The following LHFPL3 variants were observed in gnomAD, a reference collection of about 807,000 sequenced individuals.
The protein encoded by LHFPL3 is LHFPL tetraspan subfamily member 3 protein.
Under a neutral mutation model 19.3 loss-of-function variants are expected in LHFPL3, and 5 were observed. That is an observed-to-expected ratio of 0.26 (90% CI 0.14 to 0.54). The LOEUF is 0.54. LHFPL3 is among the 20% of genes least tolerant of loss of function. The pLI is 0.94. For synonymous variants in LHFPL3, 133 were observed against 126.2 expected (o/e 1.05, Z -0.36); for missense variants, 249 against 307.4 (o/e 0.81, Z 1.42).
At chr7:104,749,878 G>A (rs1288679284) in intron 2 of LHFPL3, among the ~76,000 whole-genome samples, 1 of 152,210 alleles carries the variant, frequency 6.6e-6, no homozygotes, top group Non-Finnish European at 1.5e-5. Context: ...CCCCTAAAAA[G>A]GATACCCTAT....
At chr7:104,713,508 A>C (rs186008082) in intron 1 of LHFPL3, among the ~76,000 whole-genome samples, 6 of 152,232 alleles carry the variant, frequency 3.9e-5, no homozygotes, top group Admixed American at 3.9e-4. Flanking sequence ...ACTTCCAAAC[A>C]ACCAGATCTC....
At chr7:104,833,399 AT>A (rs1369841804) in intron 2 of LHFPL3, among the ~76,000 whole-genome samples, 2 of 7,754 alleles carry the variant, frequency 2.6e-4, no homozygotes, top group East Asian at 4.5e-3. Flanking sequence ...GGATATATAT[AT>A]TATATATATA....
chr7:104,629,579 T>G (rs1791604696), intron 1 of LHFPL3, among the ~76,000 whole-genome samples: 1 of 152,208 alleles, frequency 6.6e-6, no homozygotes, highest in South Asian at 2.1e-4. Flanking sequence ...TGTCATTTGT[T>G]TCCAACCCTG....
intron 2 of LHFPL3, among the ~76,000 whole-genome samples, chr7:104,828,627 G>A (rs1354249181): frequency 1.3e-5 from 2 of 152,020 alleles, no homozygotes; most frequent in African/African-American, 4.8e-5. Flanking sequence ...GCACCGCCAG[G>A]CCTCTTATTC....
chr7:104,361,738 T>G (rs1790393588), intron 1 of LHFPL3, among the ~76,000 whole-genome samples: 1 of 152,244 alleles, frequency 6.6e-6, no homozygotes, highest in African/African-American at 2.4e-5. Flanking sequence ...ATCTGATGAT[T>G]AAATGTATGC....
intron 1 of LHFPL3, among the ~76,000 whole-genome samples, chr7:104,544,041 TAA>T (rs1003074426): frequency 7.4e-6 from 1 of 135,514 alleles, no homozygotes. Context: ...AAAGTAAAAT[TAA>T]AAAAAAAAAA....
chr7:104,340,998 A>G (rs1403159690), intron 1 of LHFPL3, among the ~76,000 whole-genome samples: 1 of 152,194 alleles, frequency 6.6e-6, no homozygotes, highest in Non-Finnish European at 1.5e-5. Context: ...GTTCTTCCAA[A>G]TGGTAGAGAA....
chr7:104,885,474 C>G (rs1022099560), intron 2 of LHFPL3, among the ~76,000 whole-genome samples: 1 of 152,204 alleles, frequency 6.6e-6, no homozygotes, highest in African/African-American at 2.4e-5. Flanking sequence ...TAGGACCCCA[C>G]TCACTCAGAT....
intron 1 of LHFPL3, among the ~76,000 whole-genome samples, chr7:104,389,769 A>G (rs1437642002): frequency 1.1e-4 from 16 of 152,160 alleles, no homozygotes; most frequent in Admixed American, 9.8e-4. Context: ...AGAAAGAAAA[A>G]ATAGTCTTTT....
At chr7:104,426,810 A>C (rs1031929029) in intron 1 of LHFPL3, among the ~76,000 whole-genome samples, 1 of 152,070 alleles carries the variant, frequency 6.6e-6, no homozygotes. Context: ...CTTTTGATGT[A>C]TGTCTTAGGA....
chr7:104,650,751 A>G (rs548924581), intron 1 of LHFPL3, among the ~76,000 whole-genome samples: 1 of 152,340 alleles, frequency 6.6e-6, no homozygotes, highest in East Asian at 1.9e-4. Flanking sequence ...TACATGAAGA[A>G]TGCTGTCCTA....
chr7:104,520,273 A>G (rs1794029355), intron 1 of LHFPL3, among the ~76,000 whole-genome samples: 1 of 151,344 alleles, frequency 6.6e-6, no homozygotes, highest in Non-Finnish European at 1.5e-5. Flanking sequence ...ATATTGAACC[A>G]GCCTTGCATC....
At chr7:104,756,866 CAG>C (rs1332670804) in intron 2 of LHFPL3, among the ~76,000 whole-genome samples, 3 of 152,188 alleles carry the variant, frequency 2.0e-5, no homozygotes, top group African/African-American at 7.2e-5. Flanking sequence ...GAATATTAAG[CAG>C]AGATTCTGAC....
At chr7:104,882,360 G>A (rs942387001) in intron 2 of LHFPL3, among the ~76,000 whole-genome samples, 8 of 152,066 alleles carry the variant, frequency 5.3e-5, no homozygotes, top group South Asian at 2.1e-4. Flanking sequence ...CGATTCTCCC[G>A]CCTCAGCCTC....
chr7:104,555,864 G>T (rs1794753884), intron 1 of LHFPL3, among the ~76,000 whole-genome samples: 1 of 152,168 alleles, frequency 6.6e-6, no homozygotes, highest in Non-Finnish European at 1.5e-5. Context: ...GATATAATGG[G>T]GGTACAGGCA....
intron 1 of LHFPL3, among the ~76,000 whole-genome samples, chr7:104,516,858 C>T (rs1793930965): frequency 6.6e-6 from 1 of 152,034 alleles, no homozygotes; most frequent in African/African-American, 2.4e-5. Context: ...ATATTCATTG[C>T]AGTGCTATTT....
Position 104,438,724 on chromosome 7 carries a change from T to A in LHFPL3, c.445+109500T>A, listed in dbSNP as rs114035036. 2.0e-3 allele frequency among the ~76,000 whole-genome samples: 311 copies of A among 152,026 alleles called. 1 individual carries two copies. Among genetic ancestry groups the A allele is most frequent in the African/African-American group, 7.0e-3 (292 of 41,510 alleles). ...AAAGATAAGCAAACAAATCCAAAAGTAAGTAGAATGAAGGAAATAACATAT... is the reference window on the plus strand; with the variant it reads ...AAAGATAAGCAAACAAATCCAAAAGAAAGTAGAATGAAGGAAATAACATAT... On this transcript the variant is annotated intron_variant, in intron 1 of 2. Transcript: ENST00000424859.
At chr7:104,469,065 C>G (rs1792853558) in intron 1 of LHFPL3, among the ~76,000 whole-genome samples, 1 of 152,170 alleles carries the variant, frequency 6.6e-6, no homozygotes, top group Non-Finnish European at 1.5e-5. Context: ...TCCAATTTAA[C>G]AAGCTCACAT....
chr7:104,682,120 A>T (rs1792715510), intron 1 of LHFPL3, among the ~76,000 whole-genome samples: 1 of 152,246 alleles, frequency 6.6e-6, no homozygotes. Flanking sequence ...GTAACTAGTT[A>T]TGGAAAATAC....
Sources: gnomAD v4.1 joint callset for allele counts (sites outside exome capture counted in the v4.1 genomes callset) on GRCh38, gnomAD v4.1.1 for gene constraint, MANE v1.5 for transcripts, NCBI Gene and HGNC (gene_info 2026-07-23, HGNC 2026-07-21) for gene names.